Variants in GIMD1 observed in about 807,000 individuals in gnomAD.
GIMD1 encodes the protein GTPase IMAP family member GIMD1.
A neutral mutation model predicts 14.9 loss-of-function variants in GIMD1; 14 were observed. That is an observed-to-expected ratio of 0.94 (90% CI 0.62 to 1.47). The LOEUF (loss-of-function observed/expected upper bound fraction) is 1.47, where lower values mean the gene tolerates loss of function less well. GIMD1 is among the 40% of genes most tolerant of loss of function. The pLI is 0.00. For missense variants in GIMD1, 272 were observed against 255.3 expected (o/e 1.07, Z -0.44); for synonymous variants, 91 against 90.5 (o/e 1.01, Z -0.03).
chr4:106,357,661 T>A lies in GIMD1; in HGVS notation c.*522A>T, dbSNP rs1260704658. Reference sequence around the variant, plus strand: ...ATCAGAGTAGTTTAGATTACATTTGTTTTACTGTTTTTGAACTTTCTGCAC... The same window carrying A: ...ATCAGAGTAGTTTAGATTACATTTGATTTACTGTTTTTGAACTTTCTGCAC... On this transcript the variant is annotated 3_prime_UTR_variant, in exon 3 of 3. Coordinates refer to ENST00000638719, the MANE Select transcript of GIMD1 (RefSeq NM_001195138.2). 6.6e-6 allele frequency: 1 copy of A among 152,288 alleles called. No individual in the cohort carries two copies. The allele number at this position is 152,288 out of a possible 1,614,324, so 9.4% of individuals were successfully genotyped here. A position where few individuals can be genotyped will look rare whatever the true frequency, so the allele number is the denominator to read the frequency against.
rs1301921316 is a variant in GIMD1 at position 106,357,549 on chromosome 4, A to G, written c.*634T>C. The G allele has an allele frequency of 6.6e-6, 1 of 152,064 alleles. No individual in the cohort carries two copies. Among genetic ancestry groups the G allele is most frequent in the African/African-American group, 2.4e-5 (1 of 41,432 alleles). The allele number at this position is 152,064 out of a possible 1,614,324, so 9.4% of individuals were successfully genotyped here. A position where few individuals can be genotyped will look rare whatever the true frequency, so the allele number is the denominator to read the frequency against. ...CAAGAGAACAAAAGAACATGACCAG[A>G]ATCTCAGAAGCCACATCAAGTGTAA... On this transcript the variant is annotated 3_prime_UTR_variant, in exon 3 of 3. Coordinates refer to ENST00000638719, the MANE Select transcript of GIMD1 (RefSeq NM_001195138.2).
chr4:106,366,788 T>TC (rs1770705187), intron 2 of GIMD1, among the ~76,000 whole-genome samples: 1 of 151,958 alleles, frequency 6.6e-6, no homozygotes, highest in South Asian at 2.1e-4. Context: ...TCAATTTTTT[T>TC]TTCCTACAAA....
chr4:106,363,791 G>A (rs1259859542), intron 2 of GIMD1, among the ~76,000 whole-genome samples: 2 of 147,444 alleles, frequency 1.4e-5, no homozygotes, highest in African/African-American at 2.5e-5. Context: ...AAACACATTC[G>A]TCTGCAACAT....
intron 1 of GIMD1, among the ~76,000 whole-genome samples, chr4:106,367,908 C>T (rs915959691): frequency 1.3e-5 from 2 of 152,112 alleles, no homozygotes; most frequent in African/African-American, 4.8e-5. Context: ...CTAACAACAT[C>T]CCCCATCTTC....
intron 2 of GIMD1, among the ~76,000 whole-genome samples, chr4:106,365,007 G>C (rs888512788): frequency 5.6e-5 from 8 of 142,276 alleles, no homozygotes; most frequent in Admixed American, 4.3e-4. Context: ...AAGAGTCAGG[G>C]TAGCTTTTGA....
intron 2 of GIMD1, among the ~76,000 whole-genome samples, chr4:106,364,893 C>T (rs2949650): frequency 0.4 from 60,218 of 151,932 alleles, 12,106 homozygotes; most frequent in South Asian, 0.51. Flanking sequence ...ATTATTGTCC[C>T]ATATGCTAAA....
Position 106,361,893 on chromosome 4 carries a change from G to A in GIMD1, c.394-3450C>T, listed in dbSNP as rs113512421. 2.6e-3 allele frequency among the ~76,000 whole-genome samples: 401 copies of A among 152,148 alleles called. 2 individuals carry two copies. The highest frequency in any genetic ancestry group is 9.0e-3 in the African/African-American group (375 of 41,540). On this transcript the variant is annotated intron_variant, in intron 2 of 2. Coordinates refer to ENST00000638719, the MANE Select transcript of GIMD1 (RefSeq NM_001195138.2). The stretch of plus-strand genomic sequence containing the variant: ...ACAATCCTTTCTTGAGTTATATATC[G>A]TAACACAGAATTATTTTCTTTCTAG...
chr4:106,364,555 A>G (rs1041955667), intron 2 of GIMD1, among the ~76,000 whole-genome samples: 2 of 152,130 alleles, frequency 1.3e-5, no homozygotes, highest in Non-Finnish European at 2.9e-5. Flanking sequence ...AAGATCACAA[A>G]CAGCCAGCCT....
Position 106,357,997 on chromosome 4 carries a change from G to A in GIMD1, c.*186C>T. ...GTGTAATTGCTATGTCATGGGATTT[G>A]CATTAGAAATCTTGAATCATTGATG... On this transcript the variant is annotated 3_prime_UTR_variant, in exon 3 of 3. Transcript: ENST00000638719. The A allele has an allele frequency of 2.0e-6, 1 of 498,238 alleles. No individual in the cohort carries two copies. The highest frequency in any genetic ancestry group is 3.5e-6 in the Non-Finnish European group (1 of 282,488). 30.9% of individuals were successfully genotyped at this position (498,238 alleles called of 1,614,324 possible).
chr4:106,363,520 C>G (rs1413870602), intron 2 of GIMD1, among the ~76,000 whole-genome samples: 1 of 152,024 alleles, frequency 6.6e-6, no homozygotes, highest in Non-Finnish European at 1.5e-5. Context: ...TAATACTTTA[C>G]CATTTTCTGT....
intron 2 of GIMD1, among the ~76,000 whole-genome samples, chr4:106,362,250 T>TTG (rs1226531901): frequency 6.6e-6 from 1 of 152,124 alleles, no homozygotes; most frequent in Non-Finnish European, 1.5e-5. Context: ...CTTAAAATCT[T>TTG]TAAGTCGATT....
rs990463145 is a variant in GIMD1 at position 106,363,368 on chromosome 4, G to A, written c.393+3675C>T. On this transcript the variant is annotated intron_variant, in intron 2 of 2. Transcript: ENST00000638719. Reference sequence around the variant, plus strand: ...GAAGTTACTTGCCCGAGATCACAAAGCAAATAAGTAGCTAAGACTTGAATA... The same window carrying A: ...GAAGTTACTTGCCCGAGATCACAAAACAAATAAGTAGCTAAGACTTGAATA... 5.0e-4 allele frequency among the ~76,000 whole-genome samples: 76 copies of A among 152,050 alleles called. 1 individual carries two copies. Among genetic ancestry groups the A allele is most frequent in the Non-Finnish European group, 9.9e-4 (67 of 68,010 alleles).
At chr4:106,364,417 A>T (rs1344684754) in intron 2 of GIMD1, among the ~76,000 whole-genome samples, 1 of 152,168 alleles carries the variant, frequency 6.6e-6, no homozygotes, top group Non-Finnish European at 1.5e-5. Context: ...CTGAAACCTG[A>T]GGACCTAACA....
At chr4:106,362,835 C>T (rs926408787) in intron 2 of GIMD1, among the ~76,000 whole-genome samples, 1 of 152,026 alleles carries the variant, frequency 6.6e-6, no homozygotes, top group Non-Finnish European at 1.5e-5. Flanking sequence ...TAGGCCAGAT[C>T]CAGAGAATAT....
chr4:106,362,248 C>A (rs1271863845), intron 2 of GIMD1, among the ~76,000 whole-genome samples: 2 of 152,098 alleles, frequency 1.3e-5, no homozygotes, highest in East Asian at 1.9e-4. Flanking sequence ...AGCTTAAAAT[C>A]TTTAAGTCGA....
At chr4:106,368,467 T>A (rs1770740962) in intron 1 of GIMD1, among the ~76,000 whole-genome samples, 1 of 152,192 alleles carries the variant, frequency 6.6e-6, no homozygotes, top group Non-Finnish European at 1.5e-5. Context: ...GTCCTTCTTG[T>A]CCTTTAATGC....
rs919940867 is a variant in GIMD1, at chr4:106,358,176, C to G, written c.*7G>C. 2.7e-6 allele frequency: 4 copies of G among 1,465,086 alleles called. No homozygotes were observed. The African/African-American group carries it at 4.3e-5, about 16-fold the overall frequency. 90.8% of individuals were successfully genotyped at this position (1,465,086 alleles called of 1,614,324 possible). A position where few individuals can be genotyped will look rare whatever the true frequency, so the allele number is the denominator to read the frequency against. Reference sequence around the variant, plus strand: ...ATACCCAATGCTCCTTTCCTTTCACCTAAATTTTATTTAAATGTAAGAACT... The same window carrying G: ...ATACCCAATGCTCCTTTCCTTTCACGTAAATTTTATTTAAATGTAAGAACT... On this transcript the variant is annotated 3_prime_UTR_variant, in exon 3 of 3. Coordinates refer to ENST00000638719, the MANE Select transcript of GIMD1 (RefSeq NM_001195138.2).
intron 2 of GIMD1, among the ~76,000 whole-genome samples, chr4:106,363,859 C>G (rs1770651422): frequency 7.9e-6 from 1 of 127,190 alleles, no homozygotes; most frequent in South Asian, 2.4e-4. Context: ...TGCTTGTACG[C>G]AGTAATAATA....
chr4:106,365,568 G>T (rs909838880), intron 2 of GIMD1, among the ~76,000 whole-genome samples: 3 of 152,082 alleles, frequency 2.0e-5, no homozygotes, highest in African/African-American at 7.2e-5. Context: ...CAAAAGAAGG[G>T]TAGCATTTTT....
Sources: gnomAD v4.1 joint callset for allele counts (sites outside exome capture counted in the v4.1 genomes callset) on GRCh38, gnomAD v4.1.1 for gene constraint, MANE v1.5 for transcripts, NCBI Gene and HGNC (gene_info 2026-07-23, HGNC 2026-07-21) for gene names.